CNGB1: variants seen among roughly 807,000 people sequenced by gnomAD.
CNGB1 encodes cyclic nucleotide gated channel subunit beta 1, also known as cyclic nucleotide-gated channel beta-1.
Under a neutral mutation model 151.7 loss-of-function variants are expected in CNGB1, and 126 were observed. The observed-to-expected ratio is 0.83, with a 90% CI of 0.72 to 0.96. The LOEUF is 0.96. CNGB1 is among the 40% of genes least tolerant of loss of function. CNGB1 has a pLI of 0.00. For synonymous variants in CNGB1, 623 were observed against 635.1 expected (o/e 0.98, Z 0.29); for missense variants, 1,698 against 1,627.0 (o/e 1.04, Z -0.75).
intron 26 of CNGB1, 147 bp downstream of exon 26, chr16:57,904,587 C>A (rs1960488161): frequency 1.8e-6 from 2 of 1,091,574 alleles, no homozygotes; most frequent in African/African-American, 3.1e-5. Context: ...GCGCAGGGAC[C>A]AGTGCTCCAG....
chr16:57,952,333 G>A (rs8056583), intron 12 of CNGB1, among the ~76,000 whole-genome samples: 2,469 of 152,214 alleles, frequency 0.016, 30 homozygotes, highest in Middle Eastern at 0.068. Context: ...GGTGATAAAT[G>A]TGCCCCACGA....
intron 2 of CNGB1, among the ~76,000 whole-genome samples, chr16:57,966,663 C>A (rs1425930476): frequency 6.6e-6 from 1 of 152,210 alleles, no homozygotes; most frequent in Non-Finnish European, 1.5e-5. Flanking sequence ...GTTTAATCAT[C>A]ATGGACTAGT....
chr16:57,950,285 C>T lies in CNGB1; in HGVS notation c.1034+96G>A, dbSNP rs1961914620. On this transcript the variant is annotated intron_variant, in intron 13 of 32. Coordinates refer to ENST00000251102, the MANE Select transcript of CNGB1 (RefSeq NM_001297.5). The stretch of plus-strand genomic sequence containing the variant: ...AGGCAGGGGGAAGCAGGCTTGGTTC[C>T]TGCTCTGTGCCTTTTCATCTTTGAG... 10 of 1,483,288 alleles carry T rather than the reference C, an allele frequency of 6.7e-6. No homozygotes were observed. The South Asian group carries it at 9.1e-5, about 14-fold the overall frequency. The allele number at this position is 1,483,288 out of a possible 1,614,324, so 91.9% of individuals were successfully genotyped here.
intron 27 of CNGB1, among the ~76,000 whole-genome samples, chr16:57,902,684 A>G (rs536206335): frequency 2.0e-5 from 3 of 152,022 alleles, no homozygotes; most frequent in Non-Finnish European, 4.4e-5. Context: ...ATCACAACTC[A>G]CTGCAGCCTC....
At chr16:57,909,903 C>T (rs1424070910) in intron 25 of CNGB1, among the ~76,000 whole-genome samples, 1 of 152,194 alleles carries the variant, frequency 6.6e-6, no homozygotes, top group Non-Finnish European at 1.5e-5. Flanking sequence ...GCTACCTCAG[C>T]TGTAAAATGG....
Position 57,917,494 on chromosome 16 carries a change from G to C in CNGB1, c.1958-18C>G. ...CATCAGGTCTGTGGGGAAGGTTGAC[G>C]GGGACGCTAGAGCATCAGCCAGGCA... is the stretch of plus-strand genomic sequence containing the variant. On this transcript the variant is annotated intron_variant, in intron 20 of 32. Transcript: ENST00000251102. 1 of 1,612,486 alleles carries C rather than the reference G, an allele frequency of 6.2e-7. No homozygotes were observed. The highest frequency in any genetic ancestry group is 8.5e-7 in the Non-Finnish European group (1 of 1,179,160).
At chr16:57,896,647 A>G (rs1252594569) in intron 31 of CNGB1, among the ~76,000 whole-genome samples, 1 of 151,976 alleles carries the variant, frequency 6.6e-6, no homozygotes, top group Non-Finnish European at 1.5e-5. Context: ...CAGGAGGCAG[A>G]GGTTGCAGTG....
In CNGB1 at chr16:57,919,227, G is replaced by T; in HGVS notation, c.1829C>A (p.Ala610Asp). Residue 610 changes from alanine to aspartate, a missense_variant, in exon 20 of 33, where the codon GCT (alanine) becomes GAT (aspartate). Physicochemically the swap from Ala to Asp is moderately radical, Grantham distance 126. Coordinates refer to ENST00000251102, the MANE Select transcript of CNGB1 (RefSeq NM_001297.5). ...PSPAKKAPEP[A>D]PDTKPAEAEP... ...GGCTTCAGCGGGCTTTGTGTCTGGA[G>T]CTGGCTCTGGGGCTTTCTTGGCTGG... is the stretch of plus-strand genomic sequence containing the variant. 1 of 1,614,214 alleles carries T rather than the reference G, an allele frequency of 6.2e-7. No homozygotes were observed. The highest frequency in any genetic ancestry group is 2.2e-5 in the East Asian group (1 of 44,888).
In CNGB1 at chr16:57,909,576, A is replaced by T. The variant is rs148118493; in HGVS notation, c.2492+2177T>A. Among the ~76,000 whole-genome samples the T allele has an allele frequency of 7.2e-5, 11 of 152,150 alleles. 1 individual carries two copies. In the South Asian group the frequency reaches 2.3e-3, roughly 32 times the overall value. On this transcript the variant is annotated intron_variant, in intron 25 of 32. Coordinates refer to ENST00000251102, the MANE Select transcript of CNGB1 (RefSeq NM_001297.5). Reference sequence around the variant, plus strand: ...GCTAATTTTTGTATTTTTAGTAGAGATGTGGTTTCGCCATGTCGACTAGGC... The same window carrying T: ...GCTAATTTTTGTATTTTTAGTAGAGTTGTGGTTTCGCCATGTCGACTAGGC...
In CNGB1 at chr16:57,889,557, G is replaced by A. The variant is rs150719606; in HGVS notation, c.3243-1483C>T. Among the ~76,000 whole-genome samples, 22 of 152,306 alleles carry A rather than the reference G, an allele frequency of 1.4e-4. No individual in the cohort carries two copies. The East Asian group carries it at 3.5e-3, about 24-fold the overall frequency. On this transcript the variant is annotated intron_variant, in intron 31 of 32. Transcript: ENST00000251102. ...CAGAGGACCTAGCTAAGCCATGTCC[G>A]GACTTCTAACCCACAGAAACTGAGA...
In CNGB1 at chr16:57,883,893, T is replaced by C; in HGVS notation, c.*271A>G. 1 of 575,554 alleles carries C rather than the reference T, an allele frequency of 1.7e-6. No individual in the cohort carries two copies. Among genetic ancestry groups the C allele is most frequent in the Non-Finnish European group, 3.1e-6 (1 of 322,788 alleles). The allele number at this position is 575,554 out of a possible 1,614,324, so 35.7% of individuals were successfully genotyped here. A position where few individuals can be genotyped will look rare whatever the true frequency, so the allele number is the denominator to read the frequency against. The stretch of plus-strand genomic sequence containing the variant: ...ATTTTGTTCTTAAAAAGAGGAACAG[T>C]CAGGAAAAGGTAGGGCTCTCAAATG... On this transcript the variant is annotated 3_prime_UTR_variant, in exon 33 of 33. Transcript: ENST00000251102.
chr16:57,916,890 C>T (rs1960881246), intron 21 of CNGB1, among the ~76,000 whole-genome samples: 1 of 152,152 alleles, frequency 6.6e-6, no homozygotes, highest in South Asian at 2.1e-4. Flanking sequence ...CATGGCAACA[C>T]TGGGAGGTGG....
chr16:57,963,583 G>A (rs546277150), intron 4 of CNGB1, among the ~76,000 whole-genome samples: 1 of 152,272 alleles, frequency 6.6e-6, no homozygotes, highest in East Asian at 1.9e-4. Context: ...CCCCAGCCCT[G>A]CTCAGGCCCC....
Position 57,897,867 on chromosome 16 carries a change from C to T in CNGB1, c.3024G>A (p.Gln1008=). The T allele has an allele frequency of 6.2e-7, 1 of 1,614,254 alleles. No homozygotes were observed. ...ATTTCCCATCAGGGCCGCCCAAGAC[C>T]TGCACTTGCCCTGCCTGGATGATGT... ...EMYIIQAGQV[Q]VLGGPDGKSV... is the part of the protein sequence containing the mutation. The change falls in exon 30 of 33, where the codon CAG becomes CAA. Residue 1008 remains glutamine, a synonymous_variant. Coordinates refer to ENST00000251102, the MANE Select transcript of CNGB1 (RefSeq NM_001297.5).
intron 27 of CNGB1, among the ~76,000 whole-genome samples, chr16:57,902,468 TA>T (rs1326525419): frequency 4.6e-5 from 7 of 151,996 alleles, no homozygotes; most frequent in African/African-American, 1.7e-4. Flanking sequence ...CCTGAAAAGC[TA>T]AAAAAAATTT....
At chr16:57,943,764 A>G (rs1309398354) in intron 14 of CNGB1, among the ~76,000 whole-genome samples, 1 of 152,244 alleles carries the variant, frequency 6.6e-6, no homozygotes, top group Non-Finnish European at 1.5e-5. Context: ...CATTATGGAA[A>G]AGAATACGGA....
chr16:57,899,496 CG>C (rs1206505423), intron 29 of CNGB1, among the ~76,000 whole-genome samples: 1 of 152,050 alleles, frequency 6.6e-6, no homozygotes, highest in African/African-American at 2.4e-5. Flanking sequence ...AAAAATGAGC[CG>C]GGCATGGTGG....
intron 12 of CNGB1, 120 bp downstream of exon 12, chr16:57,957,219 GCC>G (rs34759686): frequency 2.2e-6 from 2 of 889,886 alleles, no homozygotes. Flanking sequence ...GACCCTAACT[GCC>G]CCCCTGTGTG....
chr16:57,955,905 G>T (rs1962072298), intron 12 of CNGB1, among the ~76,000 whole-genome samples: 1 of 152,328 alleles, frequency 6.6e-6, no homozygotes, highest in South Asian at 2.1e-4. Context: ...CTCCTGAACT[G>T]TGGGAGAATC....
Sources: gnomAD v4.1 joint callset for allele counts (sites outside exome capture counted in the v4.1 genomes callset) on GRCh38, gnomAD v4.1.1 for gene constraint, MANE v1.5 for transcripts, NCBI Gene and HGNC (gene_info 2026-07-23, HGNC 2026-07-21) for gene names.